Variants in PRKG1 observed in about 807,000 individuals in gnomAD.
PRKG1 encodes protein kinase cGMP-dependent 1, also known as cGMP-dependent protein kinase 1.
PRKG1 carries 35 observed loss-of-function variants against 88.1 expected under a neutral mutation model. The observed-to-expected ratio is 0.40, with a 90% CI of 0.30 to 0.53. The LOEUF is 0.53. Ranked by LOEUF, PRKG1 falls within the 20% of genes least tolerant of loss-of-function variation. The pLI, the probability that PRKG1 is intolerant of heterozygous loss-of-function variation, is 0.59. For missense variants in PRKG1, 540 were observed against 839.8 expected (o/e 0.64, Z 4.41); for synonymous variants, 303 against 292.5 (o/e 1.04, Z -0.37).
At chr10:52,004,460 A>C (rs1203167656) in intron 5 of PRKG1, among the ~76,000 whole-genome samples, 2 of 152,230 alleles carry the variant, frequency 1.3e-5, no homozygotes, top group Non-Finnish European at 1.5e-5. Flanking sequence ...ACTTCTCTTC[A>C]GCATCTCCTG....
chr10:51,896,825 T>C (rs867867628), intron 4 of PRKG1, among the ~76,000 whole-genome samples: 4 of 152,084 alleles, frequency 2.6e-5, no homozygotes, highest in African/African-American at 7.2e-5. Flanking sequence ...TAAACTTTTA[T>C]CACATATGTA....
At chr10:51,231,243 C>T (rs1170055554) in intron 2 of PRKG1, among the ~76,000 whole-genome samples, 1 of 152,104 alleles carries the variant, frequency 6.6e-6, no homozygotes, top group Admixed American at 6.6e-5. Flanking sequence ...TGTATAATTT[C>T]CTACTTAAAA....
At chr10:51,474,422 C>A (rs908690187) in intron 3 of PRKG1, among the ~76,000 whole-genome samples, 12 of 151,930 alleles carry the variant, frequency 7.9e-5, no homozygotes, top group Non-Finnish European at 1.5e-4. Flanking sequence ...AGCACTTGGA[C>A]CCATGTTAAG....
intron 3 of PRKG1, among the ~76,000 whole-genome samples, chr10:51,623,320 C>T (rs1276704274): frequency 6.6e-6 from 1 of 152,194 alleles, no homozygotes; most frequent in Non-Finnish European, 1.5e-5. Context: ...CCTGCTTCAG[C>T]CTCCCAAGTA....
chr10:51,265,730 C>G (rs2132167019), intron 2 of PRKG1, among the ~76,000 whole-genome samples: 1 of 152,152 alleles, frequency 6.6e-6, no homozygotes, highest in East Asian at 1.9e-4. Flanking sequence ...AATGACCATT[C>G]AGAGATAAAG....
At chr10:51,182,497 A>G (rs1837373729) in intron 2 of PRKG1, among the ~76,000 whole-genome samples, 1 of 152,158 alleles carries the variant, frequency 6.6e-6, no homozygotes, top group Admixed American at 6.5e-5. Flanking sequence ...GTTTGTGGCC[A>G]AATACATGGA....
chr10:51,488,762 G>C (rs1156590745), intron 3 of PRKG1, among the ~76,000 whole-genome samples: 4 of 152,012 alleles, frequency 2.6e-5, no homozygotes, highest in African/African-American at 9.7e-5. Context: ...CCCCGCAGAG[G>C]GCTTTTGGTA....
chr10:51,377,890 C>T (rs1842847531), intron 2 of PRKG1, among the ~76,000 whole-genome samples: 1 of 152,204 alleles, frequency 6.6e-6, no homozygotes, highest in Non-Finnish European at 1.5e-5. Context: ...ATTTCACCAG[C>T]ACAGTGACTG....
At chr10:52,005,726 C>T (rs1844717411) in intron 5 of PRKG1, among the ~76,000 whole-genome samples, 1 of 152,134 alleles carries the variant, frequency 6.6e-6, no homozygotes, top group Non-Finnish European at 1.5e-5. Flanking sequence ...GCTCTAGAAA[C>T]ATCCAGATGT....
chr10:51,323,490 A>T (rs1002217117), intron 2 of PRKG1, among the ~76,000 whole-genome samples: 1 of 152,190 alleles, frequency 6.6e-6, no homozygotes, highest in African/African-American at 2.4e-5. Flanking sequence ...CATTTTTCCC[A>T]TCTGCAAAAT....
intron 7 of PRKG1, among the ~76,000 whole-genome samples, chr10:52,065,991 T>C (rs1201349477): frequency 2.0e-5 from 3 of 152,174 alleles, no homozygotes; most frequent in African/African-American, 7.2e-5. Flanking sequence ...AAGGCCCCAC[T>C]CTTTCTCTTC....
intron 3 of PRKG1, among the ~76,000 whole-genome samples, chr10:51,485,312 G>A (rs552921336): frequency 6.6e-6 from 1 of 152,206 alleles, no homozygotes; most frequent in South Asian, 2.1e-4. Context: ...GAAACTACTT[G>A]GAATTCTTCA....
At chr10:51,262,913 A>G (rs1298886283) in intron 2 of PRKG1, among the ~76,000 whole-genome samples, 1 of 152,168 alleles carries the variant, frequency 6.6e-6, no homozygotes, top group African/African-American at 2.4e-5. Flanking sequence ...GGAGATTACA[A>G]TTTGACATGA....
At position 51,550,062 on chromosome 10, in the gene PRKG1, A is replaced by G. The variant is rs544217514; in HGVS notation, c.592+82226A>G. ...ATTGTGTCACCTTTAATAATACTCA[A>G]TTCCCTTCCTGTGTATCATCAAATG... On this transcript the variant is annotated intron_variant, in intron 3 of 17. Transcript: ENST00000373980. 6.6e-5 allele frequency among the ~76,000 whole-genome samples: 10 copies of G among 152,202 alleles called. No homozygotes were observed. In the South Asian group the frequency reaches 2.1e-3, roughly 32 times the overall value.
intron 2 of PRKG1, among the ~76,000 whole-genome samples, chr10:51,156,693 T>C (rs1333224389): frequency 6.6e-6 from 1 of 152,062 alleles, no homozygotes; most frequent in Non-Finnish European, 1.5e-5. Flanking sequence ...TAGCAGATCT[T>C]GTGCTAATAG....
At chr10:51,426,701 C>T (rs1045083791) in intron 2 of PRKG1, among the ~76,000 whole-genome samples, 7 of 149,936 alleles carry the variant, frequency 4.7e-5, no homozygotes, top group African/African-American at 1.7e-4. Context: ...TGTCTATACA[C>T]ACACACACAC....
At chr10:51,520,405 A>G (rs1042565584) in intron 3 of PRKG1, among the ~76,000 whole-genome samples, 2 of 151,196 alleles carry the variant, frequency 1.3e-5, no homozygotes, top group African/African-American at 4.8e-5. Flanking sequence ...ACTCTAGATT[A>G]TATAAAGTAT....
chr10:51,620,701 A>G (rs1186606164), intron 3 of PRKG1, among the ~76,000 whole-genome samples: 1 of 152,076 alleles, frequency 6.6e-6, no homozygotes, highest in East Asian at 1.9e-4. Flanking sequence ...GAGCTAAGTT[A>G]TGTACAAGTC....
intron 7 of PRKG1, among the ~76,000 whole-genome samples, chr10:52,113,367 A>AATGG (rs750229759): frequency 1.5e-4 from 23 of 152,108 alleles, no homozygotes; most frequent in Admixed American, 3.3e-4. Context: ...TAAATGGATG[A>AATGG]ATGGATGGAT....
Sources: gnomAD v4.1 joint callset for allele counts (sites outside exome capture counted in the v4.1 genomes callset) on GRCh38, gnomAD v4.1.1 for gene constraint, MANE v1.5 for transcripts, NCBI Gene and HGNC (gene_info 2026-07-23, HGNC 2026-07-21) for gene names.